The following WDFY4 variants were observed in gnomAD, a reference collection of about 807,000 sequenced individuals.
WDFY4 encodes the protein WDFY family member 4, also known as WD repeat- and FYVE domain-containing protein 4.
In WDFY4, 169 loss-of-function variants were observed where a neutral mutation model predicts 351.9. The ratio of observed to expected loss-of-function variants is 0.48; its 90% CI spans 0.42 to 0.55. The LOEUF (loss-of-function observed/expected upper bound fraction) is 0.55. Ranked by LOEUF, WDFY4 falls within the 20% of genes least tolerant of loss-of-function variation. WDFY4 has a pLI of 0.00. For synonymous variants in WDFY4, 1,622 were observed against 1,574.6 expected (o/e 1.03, Z -0.71); for missense variants, 3,803 against 3,935.6 (o/e 0.97, Z 0.90).
chr10:48,873,734 G>C, intron 41 of WDFY4, 37 bp downstream of exon 41: 1 of 1,546,032 alleles, frequency 6.5e-7, no homozygotes, highest in South Asian at 1.2e-5. Context: ...GCTGGTTCCA[G>C]GTAGGGCCTG....
chr10:48,840,480 CTCTT>C (rs1406099214), intron 39 of WDFY4, among the ~76,000 whole-genome samples: 1 of 151,610 alleles, frequency 6.6e-6, no homozygotes, highest in East Asian at 1.9e-4. Context: ...CACCCCCACT[CTCTT>C]TCTCTCTCTC....
intron 36 of WDFY4, among the ~76,000 whole-genome samples, chr10:48,827,787 A>T (rs1429846529): frequency 6.6e-6 from 1 of 152,024 alleles, no homozygotes; most frequent in Non-Finnish European, 1.5e-5. Context: ...GACTTCTCAT[A>T]AAACTCTCTG....
chr10:48,974,519 A>AAAAAAAAAAAAAAAAAAAAC lies in WDFY4; in HGVS notation c.8929-333_8929-332insAAAAAAAAACAAAAAAAAAA, dbSNP rs1352344126. ...CTCCGTCTCAAAAAAAAAAAAAAAA[A>AAAAAAAAAAAAAAAAAAAAC]AAAAAAAAAACAACTCATGACATGA... On this transcript the variant is annotated intron_variant, in intron 57 of 61. Coordinates refer to ENST00000325239, the MANE Select transcript of WDFY4 (RefSeq NM_001394531.1). Among the ~76,000 whole-genome samples, 5 of 49,924 alleles carry AAAAAAAAAAAAAAAAAAAAC rather than the reference A, an allele frequency of 1.0e-4. 1 individual carries two copies. The highest frequency in any genetic ancestry group is 1.8e-4 in the Non-Finnish European group (5 of 27,748). 32.8% of individuals were successfully genotyped at this position (49,924 alleles called of 152,430 possible).
At chr10:48,921,286 A>G (rs1220247076) in intron 47 of WDFY4, among the ~76,000 whole-genome samples, 2 of 124,460 alleles carry the variant, frequency 1.6e-5, no homozygotes, top group African/African-American at 6.1e-5. Flanking sequence ...TGGAACAGAA[A>G]ATAGAGTCCA....
At chr10:48,710,459 G>C (rs1025125827) in intron 2 of WDFY4, among the ~76,000 whole-genome samples, 5 of 152,160 alleles carry the variant, frequency 3.3e-5, no homozygotes, top group Non-Finnish European at 7.3e-5. Flanking sequence ...GACAAGCAAG[G>C]CTCATTTCTA....
In WDFY4 at chr10:48,970,411, C is replaced by T. The variant is rs577045581; in HGVS notation, c.8928+122C>T. ...TGCCGGAACACACCCTAACTCTGCT[C>T]ACTGAGGGCCCTGCCACCCTCAGAA... On this transcript the variant is annotated intron_variant, in intron 57 of 61. Coordinates refer to ENST00000325239, the MANE Select transcript of WDFY4 (RefSeq NM_001394531.1). 6.0e-5 allele frequency: 80 copies of T among 1,340,690 alleles called. No individual in the cohort carries two copies. The South Asian group carries it at 1.1e-3, about 18-fold the overall frequency. 83.0% of individuals were successfully genotyped at this position (1,340,690 alleles called of 1,614,324 possible). A position where few individuals can be genotyped will look rare whatever the true frequency, so the allele number is the denominator to read the frequency against.
intron 11 of WDFY4, chr10:48,736,281 A>G: frequency 1.6e-6 from 1 of 626,800 alleles, no homozygotes; most frequent in Non-Finnish European, 2.9e-6. Flanking sequence ...CATACAGTCC[A>G]GTCAATGATT....
At chr10:48,879,063 A>C (rs1753215039) in intron 43 of WDFY4, among the ~76,000 whole-genome samples, 1 of 152,228 alleles carries the variant, frequency 6.6e-6, no homozygotes, top group South Asian at 2.1e-4. Context: ...AACAGTTGGG[A>C]TATATCAATA....
At chr10:48,830,678 T>C (rs2068159293) in intron 37 of WDFY4, 22 bp from the exon 38 acceptor site, 1 of 1,545,492 alleles carries the variant, frequency 6.5e-7, no homozygotes, top group Non-Finnish European at 8.7e-7. Flanking sequence ...ATCCTGAGTG[T>C]GCCATGTGCT....
At chr10:48,951,408 T>A (rs1172804751) in intron 51 of WDFY4, among the ~76,000 whole-genome samples, 4 of 152,132 alleles carry the variant, frequency 2.6e-5, no homozygotes, top group Admixed American at 6.5e-5. Context: ...CAAGATGCTG[T>A]AGTTCTTTTG....
intron 30 of WDFY4, among the ~76,000 whole-genome samples, 188 bp from the exon 31 acceptor site, chr10:48,813,768 AG>A (rs2067531174): frequency 6.6e-6 from 1 of 152,212 alleles, no homozygotes; most frequent in Non-Finnish European, 1.5e-5. Flanking sequence ...ACCTTCTTGG[AG>A]GTGCTTGTTT....
chr10:48,693,652 A>G (rs1004658793), intron 1 of WDFY4, among the ~76,000 whole-genome samples: 1 of 152,228 alleles, frequency 6.6e-6, no homozygotes, highest in South Asian at 2.1e-4. Flanking sequence ...TTTAAGGAGC[A>G]TCTATTCTAA....
chr10:48,747,086 T>C (rs1365999330), intron 12 of WDFY4, among the ~76,000 whole-genome samples: 1 of 152,234 alleles, frequency 6.6e-6, no homozygotes, highest in African/African-American at 2.4e-5. Context: ...TTGGATTTTA[T>C]TTGTCTGAAA....
chr10:48,955,264 C>T (rs569872679), intron 51 of WDFY4, among the ~76,000 whole-genome samples: 4 of 152,338 alleles, frequency 2.6e-5, no homozygotes, highest in Non-Finnish European at 4.4e-5. Flanking sequence ...AAGAGCAAAG[C>T]GACCTTGGGG....
chr10:48,833,170 TGTGAGAGAGAGA>T, intron 39 of WDFY4, among the ~76,000 whole-genome samples: 1 of 139,370 alleles, frequency 7.2e-6, no homozygotes, highest in Non-Finnish European at 1.5e-5. Context: ...TGTGTGTGTG[TGTGAGAGAGAGA>T]GAGAGAGAGA....
chr10:48,858,979 T>A (rs560639469), intron 39 of WDFY4, among the ~76,000 whole-genome samples: 2 of 152,210 alleles, frequency 1.3e-5, no homozygotes, highest in African/African-American at 2.4e-5. Flanking sequence ...AATGATATTG[T>A]TTTTATTTCA....
chr10:48,813,869 C>A lies in WDFY4; in HGVS notation c.5215-88C>A, dbSNP rs116237317. 1,469 of 1,378,678 alleles carry A rather than the reference C, an allele frequency of 1.1e-3. 16 individuals are homozygous for A. In the African/African-American group the frequency reaches 0.019, roughly 18 times the overall value. 85.4% of individuals were successfully genotyped at this position (1,378,678 alleles called of 1,614,324 possible). On this transcript the variant is annotated intron_variant, in intron 30 of 61. Coordinates refer to ENST00000325239, the MANE Select transcript of WDFY4 (RefSeq NM_001394531.1). ...GCTCTTTTGCTTTTCCCACTGGGAA[C>A]CCCTGGAAACATGATGAACTGGCTG...
chr10:48,704,554 C>T (rs1489518978), intron 1 of WDFY4, among the ~76,000 whole-genome samples: 1 of 152,176 alleles, frequency 6.6e-6, no homozygotes, highest in Non-Finnish European at 1.5e-5. Context: ...CCCACCTGTC[C>T]AAGAACCTTT....
At chr10:48,937,290 G>A (rs1257033804) in intron 47 of WDFY4, among the ~76,000 whole-genome samples, 1 of 152,180 alleles carries the variant, frequency 6.6e-6, no homozygotes, top group African/African-American at 2.4e-5. Context: ...TTACCATCAT[G>A]CTGCCAAATA....
Sources: gnomAD v4.1 joint callset for allele counts (sites outside exome capture counted in the v4.1 genomes callset) on GRCh38, gnomAD v4.1.1 for gene constraint, MANE v1.5 for transcripts, NCBI Gene and HGNC (gene_info 2026-07-23, HGNC 2026-07-21) for gene names.